The following MGAT4C variants were observed in gnomAD, a reference collection of about 807,000 sequenced individuals.
MGAT4C encodes alpha-1,3-mannosyl-glycoprotein 4-beta-N-acetylglucosaminyltransferase C.
Under a neutral mutation model 40.1 loss-of-function variants are expected in MGAT4C, and 19 were observed. The observed-to-expected ratio is 0.47, with a 90% CI of 0.33 to 0.70. The LOEUF is 0.70. Ranked by LOEUF, MGAT4C falls within the 30% of genes least tolerant of loss-of-function variation. The probability of loss-of-function intolerance (pLI) is 0.02; values close to 1 mark genes in which losing one functional copy is unlikely to be tolerated. For missense variants in MGAT4C, 491 were observed against 563.2 expected (o/e 0.87, Z 1.30); for synonymous variants, 181 against 187.1 (o/e 0.97, Z 0.27).
intron 2 of MGAT4C, among the ~76,000 whole-genome samples, chr12:86,672,771 C>G (rs917886524): frequency 1.3e-5 from 2 of 151,958 alleles, no homozygotes; most frequent in African/African-American, 4.8e-5. Flanking sequence ...GGTTGGCAGG[C>G]AGGGAAAATG....
chr12:86,578,540 T>A (rs1163266021), intron 2 of MGAT4C, among the ~76,000 whole-genome samples: 2 of 151,850 alleles, frequency 1.3e-5, no homozygotes, highest in Non-Finnish European at 2.9e-5. Context: ...AGCTTTGACC[T>A]TGTTACTTGT....
At chr12:86,735,690 G>T (rs1950974969) in intron 1 of MGAT4C, among the ~76,000 whole-genome samples, 2 of 151,808 alleles carry the variant, frequency 1.3e-5, no homozygotes. Flanking sequence ...AAGTTATTTT[G>T]TATCTTCAGA....
intron 1 of MGAT4C, among the ~76,000 whole-genome samples, chr12:86,785,805 A>G (rs1951921157): frequency 6.7e-6 from 1 of 148,728 alleles, no homozygotes. Flanking sequence ...ATAATATAAC[A>G]TAATAATCTT....
chr12:86,508,402 G>T (rs2136344175), intron 2 of MGAT4C, among the ~76,000 whole-genome samples: 1 of 152,214 alleles, frequency 6.6e-6, no homozygotes, highest in South Asian at 2.1e-4. Context: ...CATTTTTTAT[G>T]GTTGCATAGT....
intron 2 of MGAT4C, among the ~76,000 whole-genome samples, chr12:86,614,378 T>C (rs1295296574): frequency 6.6e-6 from 1 of 152,170 alleles, no homozygotes; most frequent in Non-Finnish European, 1.5e-5. Context: ...AACTGTGTCC[T>C]CTGACGATGC....
Position 85,976,929 on chromosome 12 carries a change from CTTTA to C in MGAT4C, c.*2356_*2359del, listed in dbSNP as rs1884031047. ...TTCCTCCTGACCTCTAATGAAGATG[CTTTA>C]TTTGTCAAGGTGTTTTCCTTAGAAA... On this transcript the variant is annotated 3_prime_UTR_variant, in exon 5 of 5. Transcript: ENST00000611864. The C allele has an allele frequency of 6.6e-6, 1 of 151,034 alleles. No homozygotes were observed. The highest frequency in any genetic ancestry group is 1.5e-5 in the Non-Finnish European group (1 of 67,238). 9.4% of individuals were successfully genotyped at this position (151,034 alleles called of 1,614,324 possible).
chr12:86,749,481 A>G (rs1385841768), intron 1 of MGAT4C, among the ~76,000 whole-genome samples: 3 of 151,764 alleles, frequency 2.0e-5, no homozygotes, highest in African/African-American at 7.2e-5. Flanking sequence ...TCCTTTTAAA[A>G]GACAGTTCAT....
intron 2 of MGAT4C, among the ~76,000 whole-genome samples, chr12:86,034,187 T>C (rs2136914641): frequency 6.7e-6 from 1 of 149,840 alleles, no homozygotes; most frequent in Admixed American, 6.7e-5. Context: ...CATCTGTGTT[T>C]ACCAAGGATA....
intron 2 of MGAT4C, among the ~76,000 whole-genome samples, chr12:85,995,046 C>T (rs1481593222): frequency 6.6e-6 from 1 of 152,214 alleles, no homozygotes; most frequent in African/African-American, 2.4e-5. Flanking sequence ...AAAGTATTAA[C>T]ATTTTTACCC....
At chr12:86,339,516 GA>G (rs1176008279) in intron 3 of MGAT4C, among the ~76,000 whole-genome samples, 1 of 152,018 alleles carries the variant, frequency 6.6e-6, no homozygotes, top group Non-Finnish European at 1.5e-5. Flanking sequence ...GTTTTTCCTT[GA>G]TTATTCCAAT....
intron 4 of MGAT4C, among the ~76,000 whole-genome samples, chr12:86,264,313 T>C (rs1952731489): frequency 6.6e-6 from 1 of 152,222 alleles, no homozygotes. Flanking sequence ...TCAAGTCTTA[T>C]GTTTATGTCT....
At chr12:86,574,628 G>C (rs1302141902) in intron 2 of MGAT4C, among the ~76,000 whole-genome samples, 1 of 151,628 alleles carries the variant, frequency 6.6e-6, no homozygotes, top group African/African-American at 2.4e-5. Flanking sequence ...CTAGTTATTT[G>C]GTTCATAAAC....
intron 1 of MGAT4C, among the ~76,000 whole-genome samples, chr12:86,833,589 C>T (rs933833186): frequency 1.3e-5 from 2 of 151,794 alleles, no homozygotes; most frequent in African/African-American, 2.4e-5. Context: ...TCTTAGGATA[C>T]CAGTCCTATT....
chr12:86,063,741 G>A (rs762822241), intron 1 of MGAT4C, among the ~76,000 whole-genome samples: 8 of 152,110 alleles, frequency 5.3e-5, no homozygotes, highest in Non-Finnish European at 1.0e-4. Context: ...AAAGAGCAGC[G>A]GTTGCAATCC....
intron 3 of MGAT4C, among the ~76,000 whole-genome samples, chr12:86,386,367 T>C (rs1956051851): frequency 6.6e-6 from 1 of 152,030 alleles, no homozygotes; most frequent in Non-Finnish European, 1.5e-5. Context: ...CACTAGACAA[T>C]GAATACCTAA....
chr12:86,723,874 A>G (rs1363115474), intron 2 of MGAT4C, among the ~76,000 whole-genome samples: 2 of 152,190 alleles, frequency 1.3e-5, no homozygotes, highest in African/African-American at 4.8e-5. Flanking sequence ...CTTAAATTTC[A>G]TTGGTAAATA....
intron 4 of MGAT4C, among the ~76,000 whole-genome samples, chr12:86,328,561 T>C (rs1272312415): frequency 6.6e-6 from 1 of 152,162 alleles, no homozygotes; most frequent in Non-Finnish European, 1.5e-5. Context: ...TATTACCATT[T>C]ATAATAGCAC....
chr12:86,644,620 G>A (rs969872092), intron 2 of MGAT4C, among the ~76,000 whole-genome samples: 1 of 151,652 alleles, frequency 6.6e-6, no homozygotes, highest in Non-Finnish European at 1.5e-5. Context: ...ATGCCTGTAT[G>A]TATACAAGAA....
At chr12:86,611,983 CA>C (rs907028911) in intron 2 of MGAT4C, among the ~76,000 whole-genome samples, 4 of 152,064 alleles carry the variant, frequency 2.6e-5, no homozygotes, top group Admixed American at 6.6e-5. Flanking sequence ...CAGGAAAAAG[CA>C]AAAGCCACTA....
Sources: allele counts gnomAD v4.1 joint callset (sites outside exome capture counted in the v4.1 genomes callset), GRCh38; gene constraint gnomAD v4.1.1; transcripts MANE v1.5; gene names NCBI Gene and HGNC (gene_info 2026-07-23, HGNC 2026-07-21).